The following MORN1 variants were observed in gnomAD, a reference collection of about 807,000 sequenced individuals.
MORN1 encodes MORN repeat-containing protein 1.
MORN1 carries 67 observed loss-of-function variants against 61.9 expected under a neutral mutation model. The ratio of observed to expected loss-of-function variants is 1.08; its 90% CI spans 0.89 to 1.33. The LOEUF (loss-of-function observed/expected upper bound fraction) is 1.33, where lower values mean the gene tolerates loss of function less well. Ranked by LOEUF, MORN1 falls within the 40% of genes most tolerant of loss-of-function variation. The pLI is 0.00. For synonymous variants in MORN1, 301 were observed against 292.0 expected, an observed-to-expected ratio of 1.03 and a Z score of -0.31; for missense variants, 752 against 691.2, an observed-to-expected ratio of 1.09 and a Z score of -0.99.
chr1:2,335,241 CACCTTGCCGG>C (rs1175185999), intron 12 of MORN1, among the ~76,000 whole-genome samples: 1 of 152,244 alleles, frequency 6.6e-6, no homozygotes, highest in South Asian at 2.1e-4. Context: ...GCCCTCCTCC[CACCTTGCCGG>C]ACCTCTTCCC....
intron 8 of MORN1, among the ~76,000 whole-genome samples, chr1:2,365,076 A>G (rs1641970664): frequency 1.3e-5 from 2 of 152,052 alleles, no homozygotes; most frequent in South Asian, 4.1e-4. Context: ...ACTTTAAAGT[A>G]GTTTTTTCCA....
rs1642142036 is a variant in MORN1, at chr1:2,372,404, G to A, written c.745+77C>T. On this transcript the variant is annotated intron_variant, in intron 8 of 13. Coordinates refer to ENST00000378531, the MANE Select transcript of MORN1 (RefSeq NM_024848.3). This position sits in a 1 kb window ranked among gnomAD's most constrained non-coding sequence, Gnocchi z 5.4. ...AGGAGCCACATGCAACATCTCGTCC[G>A]CATCTTCACTGCTTAAGAACCTGCT... 5 of 1,126,416 alleles carry A rather than the reference G, an allele frequency of 4.4e-6. No individual in the cohort carries two copies. Among genetic ancestry groups the A allele is most frequent in the South Asian group, 1.4e-5 (1 of 70,386 alleles). 69.8% of individuals were successfully genotyped at this position (1,126,416 alleles called of 1,614,324 possible). A position where few individuals can be genotyped will look rare whatever the true frequency, so the allele number is the denominator to read the frequency against.
intron 10 of MORN1, among the ~76,000 whole-genome samples, chr1:2,343,398 C>A (rs979630188): frequency 2.0e-5 from 3 of 152,222 alleles, no homozygotes; most frequent in Non-Finnish European, 2.9e-5. Flanking sequence ...GATGACGCTG[C>A]GGGGCACCAG....
At chr1:2,349,546 A>G (rs948801063) in intron 10 of MORN1, among the ~76,000 whole-genome samples, 2 of 152,158 alleles carry the variant, frequency 1.3e-5, no homozygotes, top group Middle Eastern at 3.2e-3. Context: ...GTCCCTCTAT[A>G]TGATGTGATT....
rs761799681 is a variant in MORN1, at chr1:2,374,489, A to G, written c.606T>C (p.Tyr202=). 12 of 1,602,414 alleles carry G rather than the reference A, an allele frequency of 7.5e-6. No homozygotes were observed. The highest frequency in any genetic ancestry group is 2.2e-5 in the East Asian group (1 of 44,518). The change falls in exon 7 of 14, where the codon TAT becomes TAC. Residue 202 remains tyrosine (Y), a synonymous_variant. Transcript: ENST00000378531. ...CTGGGTGGCCATTGATCCACAACCC[A>G]TAATAGGTGACCCCTGAGCAGTGGG... ...SMAHCSGVTY[Y]GLWINGHPAE...
rs1450015447 is a variant in MORN1, at chr1:2,391,542, C to G, written c.-9G>C. 8.0e-7 allele frequency: 1 copy of G among 1,248,190 alleles called. No homozygotes were observed. The highest frequency in any genetic ancestry group is 1.0e-6 in the Non-Finnish European group (1 of 989,864). The allele number at this position is 1,248,190 out of a possible 1,614,324, so 77.3% of individuals were successfully genotyped here. A position where few individuals can be genotyped will look rare whatever the true frequency, so the allele number is the denominator to read the frequency against. On this transcript the variant is annotated 5_prime_UTR_variant, in exon 1 of 14. Transcript: ENST00000378531. ...TCGCCCGCCGCTGCCATCTTGCCGCCGAGGGTTCTCTTAGCGACCAGCAAC... is the reference window on the plus strand; with the variant it reads ...TCGCCCGCCGCTGCCATCTTGCCGCGGAGGGTTCTCTTAGCGACCAGCAAC...
chr1:2,367,516 C>G (rs1010437868), intron 8 of MORN1, among the ~76,000 whole-genome samples: 72 of 151,610 alleles, frequency 4.7e-4, no homozygotes, highest in African/African-American at 1.6e-3. Flanking sequence ...CTCTTTTTAA[C>G]AAATGATCTT....
In MORN1 at chr1:2,348,366, A is replaced by G. The variant is rs1641560230; in HGVS notation, c.1036+9066T>C. The stretch of plus-strand genomic sequence containing the variant: ...GCAGGATTTTCACTGACCCAGAACC[A>G]GTGGAGTCCACCGTGAGGCTGGTGG... On this transcript the variant is annotated intron_variant, in intron 10 of 13. Coordinates refer to ENST00000378531, the MANE Select transcript of MORN1 (RefSeq NM_024848.3). Among the ~76,000 whole-genome samples, 3 of 152,120 alleles carry G rather than the reference A, an allele frequency of 2.0e-5. No homozygotes were observed. The South Asian group carries it at 6.2e-4, about 32-fold the overall frequency.
rs1042568085 is a variant in MORN1 at position 2,339,981 on chromosome 1, G to A, written c.1037-3131C>T. Among the ~76,000 whole-genome samples the A allele has an allele frequency of 3.9e-5, 6 of 152,380 alleles. No individual in the cohort carries two copies. The East Asian group carries it at 5.8e-4, about 15-fold the overall frequency. The stretch of plus-strand genomic sequence containing the variant: ...GTGCAGACACAGGCGCCTCCGCCGC[G>A]CGGCTTCTCCGTGTTTGCTGAAGAC... On this transcript the variant is annotated intron_variant, in intron 10 of 13. Transcript: ENST00000378531.
At chr1:2,383,104 A>C (rs1642409024) in intron 6 of MORN1, among the ~76,000 whole-genome samples, 1 of 152,064 alleles carries the variant, frequency 6.6e-6, no homozygotes, top group Non-Finnish European at 1.5e-5. Flanking sequence ...CCAACTGCCA[A>C]CCCATCACCT....
chr1:2,359,951 G>A (rs543302983), intron 8 of MORN1, among the ~76,000 whole-genome samples: 68 of 152,154 alleles, frequency 4.5e-4, no homozygotes, highest in Non-Finnish European at 7.5e-4. Flanking sequence ...AGTGGATGCC[G>A]AGCTTTGGGA....
intron 6 of MORN1, chr1:2,378,782 C>T (rs146692896): frequency 0.011 from 4,141 of 377,578 alleles, 26 homozygotes; most frequent in Non-Finnish European, 0.017. Flanking sequence ...CCCTCGGGTC[C>T]TGGGAGGTCG....
rs897129320 is a variant in MORN1 at position 2,357,024 on chromosome 1, C to G, written c.1036+408G>C. The stretch of plus-strand genomic sequence containing the variant: ...GAAACCCTGACCTCGAGAGAGCAGT[C>G]GGCGCCGCGGCCCCCAGAGCCATGG... On this transcript the variant is annotated intron_variant, in intron 10 of 13. Transcript: ENST00000378531. This position sits in a 1 kb window ranked among gnomAD's most constrained non-coding sequence, Gnocchi z 6.3. Among the ~76,000 whole-genome samples, 2 of 152,156 alleles carry G rather than the reference C, an allele frequency of 1.3e-5. No individual in the cohort carries two copies. Among genetic ancestry groups the G allele is most frequent in the Non-Finnish European group, 2.9e-5 (2 of 68,014 alleles).
chr1:2,367,800 G>A (rs1405109624), intron 8 of MORN1, among the ~76,000 whole-genome samples: 1 of 152,052 alleles, frequency 6.6e-6, no homozygotes, highest in African/African-American at 2.4e-5. Context: ...GCTAGTTTTC[G>A]TATTTTTTAG....
Position 2,336,533 on chromosome 1 carries a change from A to G in MORN1, c.1186T>C (p.Ser396Pro). 3 of 1,612,756 alleles carry G rather than the reference A, an allele frequency of 1.9e-6. No individual in the cohort carries two copies. The highest frequency in any genetic ancestry group is 2.5e-6 in the Non-Finnish European group (3 of 1,179,724). ...CCCCTGGGGTGCAGGCCGCCTCTGG[A>G]TCTGCCGCCTGCCTTCTAGAAAGAT... ...DSLHKKAGGRSRGGLHPRGTP... is the reference protein window; with the variant it reads ...DSLHKKAGGRPRGGLHPRGTP... The change falls in exon 12 of 14, where the codon TCC becomes CCC. Residue 396 changes from serine to proline, a missense_variant. Physicochemically the swap from Ser to Pro is moderately conservative, Grantham distance 74 (BLOSUM62 -1). Transcript: ENST00000378531.
At chr1:2,378,962 T>C (rs528076667) in intron 6 of MORN1, 4 of 466,038 alleles carry the variant, frequency 8.6e-6, no homozygotes, top group Non-Finnish European at 1.8e-5. Context: ...CCGCTGTTCT[T>C]ATTTTCCGTC....
intron 12 of MORN1, among the ~76,000 whole-genome samples, chr1:2,328,510 G>A (rs1461721657): frequency 6.6e-6 from 1 of 152,192 alleles, no homozygotes; most frequent in African/African-American, 2.4e-5. Flanking sequence ...CAATCAGGAG[G>A]AACCTGTCAC....
At chr1:2,325,740 A>G (rs1641013885) in intron 12 of MORN1, among the ~76,000 whole-genome samples, 1 of 148,632 alleles carries the variant, frequency 6.7e-6, no homozygotes, top group African/African-American at 2.5e-5. Context: ...TGCAGACTCA[A>G]CCTCCCAAGT....
At chr1:2,331,892 G>A (rs1557868493) in intron 12 of MORN1, among the ~76,000 whole-genome samples, 1 of 112,634 alleles carries the variant, frequency 8.9e-6, no homozygotes. Flanking sequence ...CCGCCCCTGC[G>A]CCTCTCCCTC....
Sources: allele counts gnomAD v4.1 joint callset (sites outside exome capture counted in the v4.1 genomes callset), GRCh38; gene constraint gnomAD v4.1.1; non-coding constraint Gnocchi (gnomAD v3.1); transcripts MANE v1.5; gene names NCBI Gene and HGNC (gene_info 2026-07-23, HGNC 2026-07-21).